Variants in SLIT3 observed in about 807,000 individuals in gnomAD.
SLIT3 encodes slit homolog 3 protein.
A neutral mutation model predicts 184.0 loss-of-function variants in SLIT3; 68 were observed. The observed-to-expected ratio is 0.37, with a 90% confidence interval of 0.30 to 0.45. The LOEUF (loss-of-function observed/expected upper bound fraction) is 0.45. Among genes scored for constraint, SLIT3 ranks in the 20% least tolerant of loss-of-function variants. The probability of loss-of-function intolerance (pLI) is 1.00; values close to 1 mark genes in which losing one functional copy is unlikely to be tolerated. For missense variants in SLIT3, 1,707 were observed against 2,026.0 expected, an observed-to-expected ratio of 0.84 and a Z score of 3.02; for synonymous variants, 831 against 828.6, an observed-to-expected ratio of 1.00 and a Z score of -0.05.
intron 4 of SLIT3, among the ~76,000 whole-genome samples, chr5:168,942,565 T>C (rs1305089585): frequency 6.6e-6 from 1 of 152,212 alleles, no homozygotes; most frequent in Non-Finnish European, 1.5e-5. Context: ...AGATTTCTGC[T>C]TACACAGAAA....
chr5:169,129,090 G>A (rs925629355), intron 4 of SLIT3, among the ~76,000 whole-genome samples: 1 of 152,096 alleles, frequency 6.6e-6, no homozygotes, highest in African/African-American at 2.4e-5. Context: ...CTTGTTCATC[G>A]AAACCTACAA....
At chr5:168,769,098 G>A (rs972992220) in intron 14 of SLIT3, among the ~76,000 whole-genome samples, 7 of 152,206 alleles carry the variant, frequency 4.6e-5, no homozygotes, top group African/African-American at 1.2e-4. Flanking sequence ...ATGAGTCTGA[G>A]GGGAAGACAC....
At chr5:168,747,464 G>A (rs560705776) in intron 20 of SLIT3, among the ~76,000 whole-genome samples, 1 of 152,252 alleles carries the variant, frequency 6.6e-6, no homozygotes, top group South Asian at 2.1e-4. Context: ...GAGTGGATGA[G>A]TGAAGGAGTG....
chr5:168,881,908 T>C (rs1759968980), intron 5 of SLIT3, among the ~76,000 whole-genome samples: 1 of 152,202 alleles, frequency 6.6e-6, no homozygotes, highest in South Asian at 2.1e-4. Flanking sequence ...TCTCCTGCTC[T>C]TGGGAAAACA....
intron 3 of SLIT3, among the ~76,000 whole-genome samples, chr5:169,243,115 T>C (rs1765459725): frequency 6.6e-6 from 1 of 152,114 alleles, no homozygotes; most frequent in African/African-American, 2.4e-5. Context: ...GGAATTTTTG[T>C]GGCAATAAAA....
At chr5:169,237,465 A>G in intron 3 of SLIT3, among the ~76,000 whole-genome samples, 1 of 152,196 alleles carries the variant, frequency 6.6e-6, no homozygotes, top group Non-Finnish European at 1.5e-5. Flanking sequence ...ACTATGTTTA[A>G]CTTTTTAAAA....
intron 4 of SLIT3, among the ~76,000 whole-genome samples, chr5:169,014,240 T>C (rs1444596204): frequency 1.3e-5 from 2 of 152,214 alleles, no homozygotes; most frequent in Admixed American, 6.5e-5. Flanking sequence ...GATAATTTTA[T>C]CTGGTAGTAT....
At chr5:169,013,137 G>C (rs563186727) in intron 4 of SLIT3, 1 of 152,358 alleles carries the variant, frequency 6.6e-6, no homozygotes, top group South Asian at 2.1e-4. Context: ...GGGGACAAGG[G>C]AGAAGAAAAG....
chr5:168,768,754 A>G (rs1231585937), intron 14 of SLIT3, among the ~76,000 whole-genome samples: 1 of 152,188 alleles, frequency 6.6e-6, no homozygotes, highest in African/African-American at 2.4e-5. Context: ...CAAACCTTCA[A>G]TGCTGTTCTT....
chr5:168,835,336 A>C (rs760695702), intron 6 of SLIT3, among the ~76,000 whole-genome samples: 24 of 152,202 alleles, frequency 1.6e-4, no homozygotes, highest in Non-Finnish European at 1.5e-4. Flanking sequence ...CAGCAGTTGG[A>C]GTCCTCCGAT....
intron 13 of SLIT3, 62 bp from the exon 14 acceptor site, chr5:168,773,006 A>C: frequency 6.7e-7 from 1 of 1,490,714 alleles, no homozygotes. Context: ...CACCACCACC[A>C]CCCTGCCTCG....
intron 3 of SLIT3, among the ~76,000 whole-genome samples, chr5:169,233,721 T>TA (rs1303286941): frequency 6.6e-6 from 1 of 152,348 alleles, no homozygotes; most frequent in East Asian, 1.9e-4. Flanking sequence ...TAATGGCACT[T>TA]AAATTTGTTT....
intron 4 of SLIT3, among the ~76,000 whole-genome samples, chr5:168,897,647 T>TGTGCACAC (rs3223457): frequency 3.5e-5 from 5 of 141,414 alleles, no homozygotes; most frequent in African/African-American, 1.3e-4. Flanking sequence ...CAGGTGCACG[T>TGTGCACAC]ACACACACAC....
At chr5:168,850,644 T>C (rs916194003) in intron 5 of SLIT3, among the ~76,000 whole-genome samples, 1 of 152,242 alleles carries the variant, frequency 6.6e-6, no homozygotes, top group African/African-American at 2.4e-5. Flanking sequence ...CTGATCGGAA[T>C]AGCCTGCTTA....
At chr5:169,030,185 C>T (rs768320604) in intron 4 of SLIT3, among the ~76,000 whole-genome samples, 1 of 152,250 alleles carries the variant, frequency 6.6e-6, no homozygotes, top group African/African-American at 2.4e-5. Flanking sequence ...TTCTGGGCAG[C>T]CTTCCCTGAC....
At chr5:168,782,061 T>C (rs1441686264) in intron 12 of SLIT3, among the ~76,000 whole-genome samples, 1 of 152,188 alleles carries the variant, frequency 6.6e-6, no homozygotes, top group East Asian at 1.9e-4. Context: ...TAAGTAGTTC[T>C]TGTGAAACAG....
At chr5:169,027,980 G>A (rs1307553168) in intron 4 of SLIT3, among the ~76,000 whole-genome samples, 5 of 152,030 alleles carry the variant, frequency 3.3e-5, no homozygotes, top group Admixed American at 6.6e-5. Context: ...CCTTTATCTC[G>A]TCACATTACT....
At chr5:169,063,666 C>T (rs578218070) in intron 4 of SLIT3, among the ~76,000 whole-genome samples, 1 of 152,270 alleles carries the variant, frequency 6.6e-6, no homozygotes, top group African/African-American at 2.4e-5. Context: ...ATGCGGACAC[C>T]ATAAATCAGG....
chr5:169,280,621 G>A (rs1368572964), intron 1 of SLIT3, among the ~76,000 whole-genome samples: 1 of 152,114 alleles, frequency 6.6e-6, no homozygotes, highest in African/African-American at 2.4e-5. Flanking sequence ...GTTTCCTGGT[G>A]AGCAAAAGGG....
Sources: gnomAD v4.1 joint callset for allele counts (sites outside exome capture counted in the v4.1 genomes callset) on GRCh38, gnomAD v4.1.1 for gene constraint, MANE v1.5 for transcripts, NCBI Gene and HGNC (gene_info 2026-07-23, HGNC 2026-07-21) for gene names.